The following PCLO variants were observed in gnomAD, a reference collection of about 807,000 sequenced individuals.
PCLO encodes protein piccolo.
PCLO carries 82 observed loss-of-function variants against 427.5 expected under a neutral mutation model. That is an observed-to-expected ratio of 0.19 (90% CI 0.16 to 0.23). The LOEUF (loss-of-function observed/expected upper bound fraction) is 0.23. Among genes scored for constraint, PCLO ranks in the 10% least tolerant of loss-of-function variants. PCLO has a pLI of 1.00. For missense variants in PCLO, 6,239 were observed against 6,115.9 expected (o/e 1.02, Z -0.67); for synonymous variants, 2,357 against 2,155.4 (o/e 1.09, Z -2.59).
At chr7:82,765,602 T>C (rs1258454663) in intron 22 of PCLO, among the ~76,000 whole-genome samples, 1 of 152,010 alleles carries the variant, frequency 6.6e-6, no homozygotes, top group African/African-American at 2.4e-5. Flanking sequence ...AGATTTGGTA[T>C]AAAATGTCTG....
At chr7:83,144,251 G>A (rs956985021) in intron 2 of PCLO, among the ~76,000 whole-genome samples, 1 of 152,066 alleles carries the variant, frequency 6.6e-6, no homozygotes, top group Non-Finnish European at 1.5e-5. Context: ...GTGAAACCCT[G>A]TCTCTACTAA....
chr7:82,953,912 T>C lies in PCLO; in HGVS notation c.7041A>G (p.Val2347=). 1 of 1,613,890 alleles carries C rather than the reference T, an allele frequency of 6.2e-7. No individual in the cohort carries two copies. The highest frequency in any genetic ancestry group is 8.5e-7 in the Non-Finnish European group (1 of 1,179,842). The change falls in exon 5 of 25, where the codon GTA becomes GTG. Residue 2347 remains valine (V), a synonymous_variant. Coordinates refer to ENST00000333891, the MANE Select transcript of PCLO (RefSeq NM_033026.6). ...ETVFDHPPSS[V]IALPMKEQLS... The stretch of plus-strand genomic sequence containing the variant: ...GCTGCTCTTTCATTGGAAGGGCTAT[T>C]ACAGAAGAAGGTGGGTGATCAAACA...
At chr7:83,008,158 A>G (rs895111174) in intron 3 of PCLO, among the ~76,000 whole-genome samples, 2 of 151,674 alleles carry the variant, frequency 1.3e-5, no homozygotes, top group Non-Finnish European at 3.0e-5. Flanking sequence ...TGTTTATTAT[A>G]GGATTCCACT....
chr7:82,910,191 T>C (rs1004062088), intron 7 of PCLO, among the ~76,000 whole-genome samples: 1 of 152,054 alleles, frequency 6.6e-6, no homozygotes, highest in African/African-American at 2.4e-5. Flanking sequence ...TCCACTTTCT[T>C]GAAACTCCAG....
chr7:83,105,301 T>C (rs1425299128), intron 3 of PCLO, among the ~76,000 whole-genome samples: 2 of 152,190 alleles, frequency 1.3e-5, no homozygotes, highest in African/African-American at 2.4e-5. Flanking sequence ...TCCATTTTCA[T>C]GGCATTAGCC....
intron 3 of PCLO, among the ~76,000 whole-genome samples, chr7:83,024,857 A>G (rs940287459): frequency 3.3e-5 from 5 of 152,236 alleles, no homozygotes; most frequent in African/African-American, 1.2e-4. Flanking sequence ...CTGACACCTC[A>G]CACGGCAGGG....
intron 10 of PCLO, among the ~76,000 whole-genome samples, chr7:82,850,414 C>A (rs948937926): frequency 6.6e-6 from 1 of 152,024 alleles, no homozygotes; most frequent in African/African-American, 2.4e-5. Flanking sequence ...GGCTACTAAA[C>A]ACTGAAAAAG....
At chr7:82,814,883 G>T (rs1177341145) in intron 20 of PCLO, among the ~76,000 whole-genome samples, 1 of 151,914 alleles carries the variant, frequency 6.6e-6, no homozygotes, top group African/African-American at 2.4e-5. Context: ...TACTGGTCAA[G>T]ACCCACAGTC....
chr7:82,839,462 A>G (rs1792311627), intron 14 of PCLO, among the ~76,000 whole-genome samples: 1 of 152,122 alleles, frequency 6.6e-6, no homozygotes, highest in Non-Finnish European at 1.5e-5. Context: ...GCAAAGTACC[A>G]TTAAAGAAGA....
At chr7:83,150,006 C>T (rs893042406) in intron 2 of PCLO, among the ~76,000 whole-genome samples, 4 of 151,918 alleles carry the variant, frequency 2.6e-5, no homozygotes, top group Admixed American at 6.6e-5. Context: ...AAAAAAATGG[C>T]GAGAAAACTT....
chr7:82,824,840 G>C (rs1281333765), intron 18 of PCLO, among the ~76,000 whole-genome samples: 2 of 151,634 alleles, frequency 1.3e-5, no homozygotes, highest in African/African-American at 4.9e-5. Context: ...TCCCAGCTGT[G>C]TGGGAGGCTG....
At chr7:82,781,078 TAAG>T (rs968477298) in intron 22 of PCLO, among the ~76,000 whole-genome samples, 51 of 151,854 alleles carry the variant, frequency 3.4e-4, no homozygotes, top group African/African-American at 9.9e-4. Flanking sequence ...ATTCAACAAA[TAAG>T]AGAAATAAAT....
chr7:83,043,388 G>T (rs1340058890), intron 3 of PCLO, among the ~76,000 whole-genome samples: 1 of 152,176 alleles, frequency 6.6e-6, no homozygotes, highest in Non-Finnish European at 1.5e-5. Flanking sequence ...TTTCTTCATA[G>T]CCCTAACATA....
chr7:83,103,293 A>T (rs915099301), intron 3 of PCLO, among the ~76,000 whole-genome samples: 1 of 151,912 alleles, frequency 6.6e-6, no homozygotes, highest in Non-Finnish European at 1.5e-5. Context: ...AAAACTAGAC[A>T]TTTTACTCCT....
intron 10 of PCLO, among the ~76,000 whole-genome samples, chr7:82,870,800 T>A (rs1793215758): frequency 6.6e-6 from 1 of 152,004 alleles, no homozygotes; most frequent in Non-Finnish European, 1.5e-5. Flanking sequence ...AATATACATT[T>A]CTCAAAAGAA....
chr7:82,814,795 T>C (rs578043124), intron 20 of PCLO, among the ~76,000 whole-genome samples: 6 of 151,996 alleles, frequency 3.9e-5, no homozygotes, highest in South Asian at 4.1e-4. Context: ...GTTAATCTTC[T>C]CAAGAATATT....
chr7:83,042,818 C>T (rs1003852850), intron 3 of PCLO, among the ~76,000 whole-genome samples: 2 of 152,268 alleles, frequency 1.3e-5, no homozygotes, highest in East Asian at 3.9e-4. Flanking sequence ...GCCGAGATGG[C>T]ACCACTGCCC....
intron 10 of PCLO, chr7:82,868,031 T>C (rs759905270): frequency 6.4e-5 from 26 of 405,334 alleles, no homozygotes; most frequent in Non-Finnish European, 5.8e-5. Flanking sequence ...ACATGATATG[T>C]GGTCTGTGTC....
At chr7:83,069,555 ATACATGTACTTT>A (rs1789753009) in intron 3 of PCLO, among the ~76,000 whole-genome samples, 1 of 152,228 alleles carries the variant, frequency 6.6e-6, no homozygotes, top group African/African-American at 2.4e-5. Context: ...AAGTCAAGTT[ATACATGTACTTT>A]TACATATACA....
Sources: gnomAD v4.1 joint callset for allele counts (sites outside exome capture counted in the v4.1 genomes callset) on GRCh38, gnomAD v4.1.1 for gene constraint, MANE v1.5 for transcripts, NCBI Gene and HGNC (gene_info 2026-07-23, HGNC 2026-07-21) for gene names.